Variants in CIDEC observed in about 807,000 individuals in gnomAD.
The protein encoded by CIDEC is cell death inducing DFFA like effector c.
A neutral mutation model predicts 21.9 loss-of-function variants in CIDEC; 11 were observed. That is an observed-to-expected ratio of 0.50 (90% CI 0.32 to 0.83). The LOEUF is 0.83. Among genes scored for constraint, CIDEC ranks in the 40% least tolerant of loss-of-function variants. The pLI, the probability that CIDEC is intolerant of heterozygous loss-of-function variation, is 0.04. For synonymous variants in CIDEC, 127 were observed against 124.9 expected (o/e 1.02, Z -0.11); for missense variants, 302 against 302.3 (o/e 1.00, Z 0.01).
At chr3:9,871,629 AT>A (rs368525805) in intron 4 of CIDEC, among the ~76,000 whole-genome samples, 8 of 148,164 alleles carry the variant, frequency 5.4e-5, no homozygotes, top group East Asian at 2.0e-4. Context: ...AAAAATCCTT[AT>A]TTTTTTTTCT....
chr3:9,869,822 G>C (rs2082320397), intron 6 of CIDEC, 60 bp downstream of exon 6: 2 of 1,503,176 alleles, frequency 1.3e-6, no homozygotes. Context: ...CATGTGGACA[G>C]ATAGGGGCTC....
rs371898944 is a variant in CIDEC, at chr3:9,868,743, A to G, written c.554+1139T>C. Reference sequence around the variant, plus strand: ...AAGACTTGCAAATTAATTCTGTCATATGGAGGGAAGATTATTTCATCCCTC... The same window carrying G: ...AAGACTTGCAAATTAATTCTGTCATGTGGAGGGAAGATTATTTCATCCCTC... On this transcript the variant is annotated intron_variant, in intron 6 of 6. Transcript: ENST00000336832. Among the ~76,000 whole-genome samples, 3 of 152,352 alleles carry G rather than the reference A, an allele frequency of 2.0e-5. No homozygotes were observed. The East Asian group carries it at 5.8e-4, about 29-fold the overall frequency.
At chr3:9,875,389 A>AAG (rs1553563765) in intron 4 of CIDEC, among the ~76,000 whole-genome samples, 2 of 151,760 alleles carry the variant, frequency 1.3e-5, no homozygotes, top group Admixed American at 1.3e-4. Context: ...AAAAAAAAAA[A>AAG]AAAAGAAAAA....
rs554932109 is a variant in CIDEC at position 9,870,562 on chromosome 3, C to G, written c.208-240G>C. ...GTTTACATACTCTAAAAGTTACCCTCTAAAAGTGTACAATTCAGGGTTTTT... is the reference window on the plus strand; with the variant it reads ...GTTTACATACTCTAAAAGTTACCCTGTAAAAGTGTACAATTCAGGGTTTTT... On this transcript the variant is annotated intron_variant, in intron 4 of 6. Coordinates refer to ENST00000336832, the MANE Select transcript of CIDEC (RefSeq NM_001321142.2). The G allele has an allele frequency of 3.0e-4, 370 of 1,230,096 alleles. 1 individual carries two copies. In the South Asian group the frequency reaches 4.3e-3, roughly 14 times the overall value. 76.2% of individuals were successfully genotyped at this position (1,230,096 alleles called of 1,614,324 possible). A position where few individuals can be genotyped will look rare whatever the true frequency, so the allele number is the denominator to read the frequency against.
Position 9,869,979 on chromosome 3 carries a change from G to C in CIDEC, c.457C>G (p.Gln153Glu). 6.2e-7 allele frequency: 1 copy of C among 1,614,194 alleles called. No individual in the cohort carries two copies. Among genetic ancestry groups the C allele is most frequent in the Non-Finnish European group, 8.5e-7 (1 of 1,180,024 alleles). ...ACGTTCAGGCAGCCAATGAAGTCCT[G>C]TGGGTTCAGCTTGTACAGATCAAAC... ...VTFDLYKLNPQDFIGCLNVKA... is the reference protein window; with the variant it reads ...VTFDLYKLNPEDFIGCLNVKA... Residue 153 changes from glutamine (Q) to glutamate (E), a missense_variant, in exon 6 of 7, where the codon CAG becomes GAG. Coordinates refer to ENST00000336832, the MANE Select transcript of CIDEC (RefSeq NM_001321142.2).
chr3:9,870,594 A>G, intron 4 of CIDEC: 2 of 901,256 alleles, frequency 2.2e-6, no homozygotes, highest in Non-Finnish European at 3.4e-6. Context: ...TTTTTAGTAT[A>G]TTCGCAAAGT....
At chr3:9,873,735 CTCA>C (rs761209007) in intron 4 of CIDEC, among the ~76,000 whole-genome samples, 1 of 152,190 alleles carries the variant, frequency 6.6e-6, no homozygotes, top group Non-Finnish European at 1.5e-5. Flanking sequence ...CCTTAAGGCT[CTCA>C]TCAGAAGAAA....
chr3:9,873,434 G>A (rs1041708162), intron 4 of CIDEC, among the ~76,000 whole-genome samples: 13 of 152,274 alleles, frequency 8.5e-5, no homozygotes, highest in Non-Finnish European at 1.3e-4. Flanking sequence ...TGGCTAACAC[G>A]GTGAAACCCT....
At chr3:9,875,238 G>T (rs1306940542) in intron 4 of CIDEC, among the ~76,000 whole-genome samples, 1 of 151,966 alleles carries the variant, frequency 6.6e-6, no homozygotes, top group Admixed American at 6.5e-5. Context: ...TTAGCTGGGC[G>T]CGGTGGCGGG....
chr3:9,878,462 T>C lies in CIDEC; in HGVS notation c.25A>G (p.Ser9Gly). 2 of 1,613,994 alleles carry C rather than the reference T, an allele frequency of 1.2e-6. No individual in the cohort carries two copies. The highest frequency in any genetic ancestry group is 1.7e-6 in the Non-Finnish European group (2 of 1,179,888). Residue 9 changes from serine to glycine, a missense_variant, in exon 3 of 7, where the codon AGC becomes GGC. Transcript: ENST00000336832. MEYAMKSL[S>G]LLYPKSLSRH... is the part of the protein sequence containing the mutation. ...GAGAGGGACTTGGGGTAGAGAAGGCTAAGGGACTTCATGGCGTATTCCATC... is the reference window on the plus strand; with the variant it reads ...GAGAGGGACTTGGGGTAGAGAAGGCCAAGGGACTTCATGGCGTATTCCATC...
At chr3:9,867,957 A>T (rs1393668008) in intron 6 of CIDEC, among the ~76,000 whole-genome samples, 1 of 152,058 alleles carries the variant, frequency 6.6e-6, no homozygotes, top group Non-Finnish European at 1.5e-5. Context: ...TAATAAATAA[A>T]AACAAGAGTG....
Position 9,866,771 on chromosome 3 carries a change from T to A in CIDEC, c.*363A>T. The A allele has an allele frequency of 1.9e-6, 1 of 537,372 alleles. No homozygotes were observed. The allele number at this position is 537,372 out of a possible 1,614,324, so 33.3% of individuals were successfully genotyped here. On this transcript the variant is annotated 3_prime_UTR_variant, in exon 7 of 7. Coordinates refer to ENST00000336832, the MANE Select transcript of CIDEC (RefSeq NM_001321142.2). ...TATCACATGCTAGTGCGCTTGCGAA[T>A]TCACTCAGGAATGTTCCGGGATGGG...
chr3:9,876,124 A>G (rs1456305284), intron 4 of CIDEC, among the ~76,000 whole-genome samples: 1 of 152,218 alleles, frequency 6.6e-6, no homozygotes. Flanking sequence ...TAATCCAAAC[A>G]TTTGACCTGT....
intron 1 of CIDEC, among the ~76,000 whole-genome samples, chr3:9,879,932 G>T (rs397023): frequency 0.75 from 113,451 of 151,968 alleles, 42,709 homozygotes; most frequent in Middle Eastern, 0.82. Context: ...GGGCACAAGG[G>T]GTGGACATAA....
At chr3:9,878,781 C>T in intron 2 of CIDEC, 161 bp downstream of exon 2, 1 of 1,536,264 alleles carries the variant, frequency 6.5e-7, no homozygotes, top group African/African-American at 1.4e-5. Context: ...CCACTCACTC[C>T]ATGTTTCTCA....
intron 4 of CIDEC, among the ~76,000 whole-genome samples, chr3:9,875,051 T>C (rs796391985): frequency 5.2e-4 from 79 of 152,196 alleles, no homozygotes; most frequent in African/African-American, 1.8e-3. Context: ...ATTTTTATCA[T>C]ATTCCTGCCA....
chr3:9,870,958 T>C (rs2082340061), intron 4 of CIDEC, among the ~76,000 whole-genome samples: 1 of 152,132 alleles, frequency 6.6e-6, no homozygotes, highest in African/African-American at 2.4e-5. Flanking sequence ...TTCTTTTTTT[T>C]TTTTGGCTAA....
At chr3:9,869,853 C>T (rs778356450) in intron 6 of CIDEC, 29 bp downstream of exon 6, 2 of 1,607,602 alleles carry the variant, frequency 1.2e-6, no homozygotes, top group Non-Finnish European at 1.7e-6. Context: ...TGTACCCACC[C>T]TGTCCCCAGG....
chr3:9,877,207 C>A lies in CIDEC; in HGVS notation c.66G>T (p.Val22=). 6.5e-7 allele frequency: 1 copy of A among 1,550,362 alleles called. No homozygotes were observed. ...GCTGCTGGGTCACCACAGAGGTACG[C>A]ACTGACACATGCCTGGGGCAGTTGA... is the stretch of plus-strand genomic sequence containing the variant. The part of the protein sequence containing the change: ...YPKSLSRHVS[V]RTSVVTQQLL... The change falls in exon 4 of 7, where the codon GTG becomes GTT. Residue 22 remains valine (V), a synonymous_variant. Coordinates refer to ENST00000336832, the MANE Select transcript of CIDEC (RefSeq NM_001321142.2).
Sources: gnomAD v4.1 joint callset for allele counts (sites outside exome capture counted in the v4.1 genomes callset) on GRCh38, gnomAD v4.1.1 for gene constraint, MANE v1.5 for transcripts, NCBI Gene and HGNC (gene_info 2026-07-23, HGNC 2026-07-21) for gene names.